The following NBEAL2 variants were observed in gnomAD, a reference collection of about 807,000 sequenced individuals.
NBEAL2 encodes neurobeachin-like protein 2.
In NBEAL2, 160 loss-of-function variants were observed where a neutral mutation model predicts 299.8. The ratio of observed to expected loss-of-function variants is 0.53; its 90% CI spans 0.47 to 0.61. The LOEUF is 0.61. Among genes scored for constraint, NBEAL2 ranks in the 20% least tolerant of loss-of-function variants. NBEAL2 has a pLI of 0.00. For synonymous variants in NBEAL2, 1,493 were observed against 1,542.3 expected (o/e 0.97, Z 0.75); for missense variants, 3,112 against 3,649.0 (o/e 0.85, Z 3.79).
rs760632555 is a variant in NBEAL2, at chr3:47,003,117, G to T, written c.5584+36G>T. The stretch of plus-strand genomic sequence containing the variant: ...GTGCTGAGATGGGTCCACCCAACTC[G>T]ATTGTCCCGTCTCCTGTCCTGCCTT... On this transcript the variant is annotated intron_variant, in intron 34 of 53. Transcript: ENST00000450053. This position sits in a 1 kb window ranked among gnomAD's most constrained non-coding sequence, Gnocchi z 7.0. The T allele has an allele frequency of 2.2e-5, 36 of 1,610,596 alleles. No individual in the cohort carries two copies. Among genetic ancestry groups the T allele is most frequent in the African/African-American group, 8.0e-5 (6 of 74,808 alleles).
rs372051707 is a variant in NBEAL2, at chr3:46,995,758, C to T, written c.1943C>T (p.Ala648Val). 2.1e-5 allele frequency: 34 copies of T among 1,613,700 alleles called. No individual in the cohort carries two copies. The Middle Eastern group carries it at 4.9e-4, about 23-fold the overall frequency. The change falls in exon 14 of 54, where the codon GCG becomes GTG. Residue 648 changes from alanine (A) to valine (V), a missense_variant. Physicochemically the swap from Ala to Val is moderately conservative, Grantham distance 64. Coordinates refer to ENST00000450053, the MANE Select transcript of NBEAL2 (RefSeq NM_015175.3). ...TCAGGGTTTGAGGCCTTCTTCACGG[C>T]GGCCGGGACCCTGGTGGTGGCTGTG... Reference protein sequence around the residue: ...SGSGFEAFFTAAGTLVVAVCT... With the variant: ...SGSGFEAFFTVAGTLVVAVCT...
Position 47,007,821 on chromosome 3 carries a change from G to A in NBEAL2, c.7513G>A (p.Val2505Ile), listed in dbSNP as rs886058605. 6.2e-7 allele frequency: 1 copy of A among 1,613,302 alleles called. No homozygotes were observed. Among genetic ancestry groups the A allele is most frequent in the Admixed American group, 1.7e-5 (1 of 59,944 alleles). Residue 2505 changes from valine to isoleucine, a missense_variant, in exon 49 of 54, where the codon GTA becomes ATA. Physicochemically the swap from Val to Ile is conservative, Grantham distance 29. This residue lies in a region of NBEAL2 where 348 missense variants were observed against 381.4 expected (regional missense o/e 0.91). Coordinates refer to ENST00000450053, the MANE Select transcript of NBEAL2 (RefSeq NM_015175.3). ...LSQLSCHLDV[V>I]TCLALDTCGI... ...ACCCTCCCCTTCCCATGCAGATGTA[G>A]TAACCTGCCTTGCACTGGACACCTG...
Position 47,007,843 on chromosome 3 carries a change from C to T in NBEAL2, c.7535C>T (p.Thr2512Ile), listed in dbSNP as rs768886178. The T allele has an allele frequency of 6.2e-7, 1 of 1,613,646 alleles. No individual in the cohort carries two copies. ...LDVVTCLALD[T>I]CGIYLISGSR... Reference sequence around the variant, plus strand: ...GTAGTAACCTGCCTTGCACTGGACACCTGTGGCATCTACCTCATCTCAGGC... The same window carrying T: ...GTAGTAACCTGCCTTGCACTGGACATCTGTGGCATCTACCTCATCTCAGGC... The change falls in exon 49 of 54, where the codon ACC becomes ATC. Residue 2512 changes from threonine (T) to isoleucine (I), a missense_variant. Around this residue, in one of 3 missense-constraint regions of NBEAL2, gnomAD observed 348 missense variants for 381.4 expected, o/e 0.91. Coordinates refer to ENST00000450053, the MANE Select transcript of NBEAL2 (RefSeq NM_015175.3).
intron 20 of NBEAL2, 111 bp downstream of exon 20, chr3:46,997,805 C>T (rs2036613215): frequency 7.3e-7 from 1 of 1,376,806 alleles, no homozygotes; most frequent in African/African-American, 1.5e-5. Flanking sequence ...GGAGAGTTGC[C>T]ACTTGAGTGG....
chr3:47,007,296 G>A lies in NBEAL2; in HGVS notation c.7280G>A (p.Arg2427His), dbSNP rs199764240. ...LGTHSWLPYD[R>H]NISNYFSFSK... Reference sequence around the variant, plus strand: ...ACCCACAGCTGGTTGCCCTATGACCGCAACATAAGCAACTACTTCAGCTTC... The same window carrying A: ...ACCCACAGCTGGTTGCCCTATGACCACAACATAAGCAACTACTTCAGCTTC... The change falls in exon 47 of 54, where the codon CGC becomes CAC. Residue 2427 changes from arginine to histidine, a missense_variant. By Grantham distance (29) the Arg-to-His change is conservative. Coordinates refer to ENST00000450053, the MANE Select transcript of NBEAL2 (RefSeq NM_015175.3). The A allele has an allele frequency of 1.5e-4, 237 of 1,611,760 alleles. No individual in the cohort carries two copies. The highest frequency in any genetic ancestry group is 1.8e-4 in the Non-Finnish European group (212 of 1,179,070).
rs750345805 is a variant in NBEAL2 at position 47,009,196 on chromosome 3, T to C, written c.8164-23T>C. ...GTGGCGCGGCGATCCCAGCTGATCCTACTCAACCCTTACGCCCACCAGGTG... is the reference window on the plus strand; with the variant it reads ...GTGGCGCGGCGATCCCAGCTGATCCCACTCAACCCTTACGCCCACCAGGTG... On this transcript the variant is annotated intron_variant, in intron 53 of 53. Coordinates refer to ENST00000450053, the MANE Select transcript of NBEAL2 (RefSeq NM_015175.3). 12 of 1,577,466 alleles carry C rather than the reference T, an allele frequency of 7.6e-6. No individual in the cohort carries two copies. The East Asian group carries it at 2.8e-4, about 37-fold the overall frequency.
chr3:47,001,468 A>G lies in NBEAL2; in HGVS notation c.4644+30A>G, dbSNP rs780625458. On this transcript the variant is annotated intron_variant, in intron 29 of 53. Transcript: ENST00000450053. The surrounding 1 kb of genome is among the most constrained non-coding windows in gnomAD (Gnocchi z 6.1). ...GACCCCTCAGAGAGGCGTGAGCCAC[A>G]TGAACACTCATGTTCATGCAAGCCT... 3 of 1,602,020 alleles carry G rather than the reference A, an allele frequency of 1.9e-6. No individual in the cohort carries two copies. Among genetic ancestry groups the G allele is most frequent in the African/African-American group, 2.7e-5 (2 of 74,636 alleles).
At position 47,003,812 on chromosome 3, in the gene NBEAL2, T is replaced by G; in HGVS notation, c.5721-4T>G. The G allele has an allele frequency of 6.3e-7, 1 of 1,594,568 alleles. No individual in the cohort carries two copies. The highest frequency in any genetic ancestry group is 2.3e-5 in the East Asian group (1 of 44,172). On this transcript the variant is annotated splice_polypyrimidine_tract_variant and splice_region_variant and intron_variant, in intron 35 of 53. Transcript: ENST00000450053. This position sits in a 1 kb window ranked among gnomAD's most constrained non-coding sequence, Gnocchi z 7.0. ...ACAGCGTGAGGTGGGTTGCTGGTCT[T>G]TAGGATGGAGGCAGCAGAACTGGAT... is the stretch of plus-strand genomic sequence containing the variant.
rs201015564 is a variant in NBEAL2 at position 47,004,218 on chromosome 3, C to T, written c.6023C>T (p.Thr2008Met). Reference sequence around the variant, plus strand: ...CTCAACTTCCCATGCAAGGTGGGCACGACCCCAGTCTCATCTCCTAGCCAG... The same window carrying T: ...CTCAACTTCCCATGCAAGGTGGGCATGACCCCAGTCTCATCTCCTAGCCAG... ...YFLNFPCKVG[T>M]TPVSSPSQTP... Residue 2008 changes from threonine (T) to methionine (M), a missense_variant, in exon 37 of 54, where the codon ACG (threonine) becomes ATG (methionine). Transcript: ENST00000450053. The surrounding 1 kb of genome is among the most constrained non-coding windows in gnomAD (Gnocchi z 5.0). 2,546 of 1,613,774 alleles carry T rather than the reference C, an allele frequency of 1.6e-3. 2 individuals carry two copies. Among genetic ancestry groups the T allele is most frequent in the Middle Eastern group, 2.1e-3 (13 of 6,060 alleles).
Position 47,009,284 on chromosome 3 carries a change from G to T in NBEAL2, c.8229G>T (p.Ser2743=). 6.2e-7 allele frequency: 1 copy of T among 1,601,626 alleles called. No homozygotes were observed. Among genetic ancestry groups the T allele is most frequent in the South Asian group, 1.1e-5 (1 of 88,658 alleles). ...CGCGGCGCATCTCCCAGGTGTCCTC[G>T]GGAGAGACGGAATACAACCCTACTG... ...RSSRRISQVS[S]GETEYNPTEA... Residue 2743 remains serine (S), a synonymous_variant, in exon 54 of 54, where the codon TCG becomes TCT. Coordinates refer to ENST00000450053, the MANE Select transcript of NBEAL2 (RefSeq NM_015175.3).
In NBEAL2 at chr3:47,009,523, C is replaced by T. The variant is rs932810599; in HGVS notation, c.*203C>T. 15 of 597,254 alleles carry T rather than the reference C, an allele frequency of 2.5e-5. No homozygotes were observed. Among genetic ancestry groups the T allele is most frequent in the African/African-American group, 1.2e-4 (6 of 51,550 alleles). The allele number at this position is 597,254 out of a possible 1,614,324, so 37.0% of individuals were successfully genotyped here. A position where few individuals can be genotyped will look rare whatever the true frequency, so the allele number is the denominator to read the frequency against. Reference sequence around the variant, plus strand: ...TCCCGCCCCTCGCCGGCTGAGGGGCCGCCCTGAGGGCCAGCACTGGCGTCT... The same window carrying T: ...TCCCGCCCCTCGCCGGCTGAGGGGCTGCCCTGAGGGCCAGCACTGGCGTCT... On this transcript the variant is annotated 3_prime_UTR_variant, in exon 54 of 54. Transcript: ENST00000450053.
chr3:47,002,079 C>T lies in NBEAL2; in HGVS notation c.4942C>T (p.Pro1648Ser), dbSNP rs2037049446. 1.3e-6 allele frequency: 2 copies of T among 1,551,692 alleles called. No homozygotes were observed. The highest frequency in any genetic ancestry group is 2.7e-5 in the African/African-American group (2 of 72,910). The change falls in exon 31 of 54, where the codon CCA becomes TCA. Residue 1648 changes from proline to serine, a missense_variant. Pro to Ser is a moderately conservative substitution (Grantham distance 74). Transcript: ENST00000450053. ...LESATDEAGS[P>S]LAAAAAAAAA... ...GTCAGCCACTGATGAGGCAGGGTCC[C>T]CACTTGCAGCTGCAGCAGCTGCAGC...
At position 47,001,749 on chromosome 3, in the gene NBEAL2, G is replaced by A. The variant is rs748996492; in HGVS notation, c.4705G>A (p.Gly1569Ser). ...RLGAWPHLAN[G>S]TADLREMAQI... ...GGGAGCCTGGCCCCACCTGGCCAAC[G>A]GCACAGCTGATCTCCGTGAGATGGC... The change falls in exon 30 of 54, where the codon GGC becomes AGC. Residue 1569 changes from glycine to serine, a missense_variant. Around this residue, in one of 3 missense-constraint regions of NBEAL2, gnomAD observed 2,243 missense variants for 2,538.1 expected, o/e 0.88. Transcript: ENST00000450053. This position sits in a 1 kb window ranked among gnomAD's most constrained non-coding sequence, Gnocchi z 6.1. 5.6e-6 allele frequency: 9 copies of A among 1,613,822 alleles called. No homozygotes were observed. The highest frequency in any genetic ancestry group is 1.7e-5 in the Admixed American group (1 of 60,010).
At chr3:46,983,510 A>G (rs376883080) in intron 1 of NBEAL2, among the ~76,000 whole-genome samples, 2 of 151,864 alleles carry the variant, frequency 1.3e-5, no homozygotes, top group African/African-American at 4.8e-5. Context: ...GGGTTTCACT[A>G]TGTTGGCTAG....
chr3:46,993,903 C>G (rs774711952), intron 10 of NBEAL2, 34 bp from the exon 11 acceptor site: 2 of 1,582,932 alleles, frequency 1.3e-6, no homozygotes, highest in Non-Finnish European at 1.7e-6. Context: ...CACCCTGGCC[C>G]CTGCCTCTCC....
chr3:46,994,296 C>G (rs1443099501), intron 11 of NBEAL2, among the ~76,000 whole-genome samples, 159 bp from the exon 12 acceptor site: 1 of 152,186 alleles, frequency 6.6e-6, no homozygotes, highest in Non-Finnish European at 1.5e-5. Context: ...ACGTCCCCCC[C>G]ATCCCTCTGC....
chr3:46,996,493 C>T lies in NBEAL2; in HGVS notation c.2374C>T (p.Arg792Trp), dbSNP rs757565395. ...TACCCTCGCAGGCACCCAGGACACTCGGTGGGGCAGCCCCACATCCCTGGA... is the reference window on the plus strand; with the variant it reads ...TACCCTCGCAGGCACCCAGGACACTTGGTGGGGCAGCCCCACATCCCTGGA... Reference protein sequence around the residue: ...DSTLAGTQDTRWGSPTSLEGE... With the variant: ...DSTLAGTQDTWWGSPTSLEGE... The change falls in exon 16 of 54, where the codon CGG (arginine) becomes TGG (tryptophan). Residue 792 changes from arginine (R) to tryptophan (W), a missense_variant. Coordinates refer to ENST00000450053, the MANE Select transcript of NBEAL2 (RefSeq NM_015175.3). The T allele has an allele frequency of 1.6e-5, 25 of 1,585,700 alleles. No individual in the cohort carries two copies. The highest frequency in any genetic ancestry group is 1.1e-5 in the South Asian group (1 of 88,254).
In NBEAL2 at chr3:47,009,273, C is replaced by T; in HGVS notation, c.8218C>T (p.Gln2740Ter). 1 of 1,602,668 alleles carries T rather than the reference C, an allele frequency of 6.2e-7. No homozygotes were observed. The highest frequency in any genetic ancestry group is 8.5e-7 in the Non-Finnish European group (1 of 1,175,916). The change falls in exon 54 of 54, where the codon CAG becomes TAG. Residue 2740 changes from glutamine to a stop codon, truncating the protein, a stop_gained. Coordinates refer to ENST00000450053, the MANE Select transcript of NBEAL2 (RefSeq NM_015175.3). LOFTEE classifies it high-confidence loss of function. ...GTGGCGGTCCTCGCGGCGCATCTCC[C>T]AGGTGTCCTCGGGAGAGACGGAATA... is the stretch of plus-strand genomic sequence containing the variant. ...KLWRSSRRIS[Q>*]VSSGETEYNP...
At chr3:46,981,350 G>C (rs1329901091) in intron 1 of NBEAL2, among the ~76,000 whole-genome samples, 1 of 152,192 alleles carries the variant, frequency 6.6e-6, no homozygotes, top group African/African-American at 2.4e-5. Context: ...GCTGAGGCAG[G>C]AGAATCGCTT....
Sources: allele counts gnomAD v4.1 joint callset (sites outside exome capture counted in the v4.1 genomes callset), GRCh38; gene constraint gnomAD v4.1.1; regional missense constraint gnomAD v4.1.1; non-coding constraint Gnocchi (gnomAD v3.1); transcripts MANE v1.5; gene names NCBI Gene and HGNC (gene_info 2026-07-23, HGNC 2026-07-21).